RAB25: variants seen among roughly 807,000 people sequenced by gnomAD.
RAB25 encodes the protein ras-related protein Rab-25.
In RAB25, 23 loss-of-function variants were observed where a neutral mutation model predicts 25.2. The ratio of observed to expected loss-of-function variants is 0.91; its 90% CI spans 0.66 to 1.29. The LOEUF (loss-of-function observed/expected upper bound fraction) is 1.29, where lower values mean the gene tolerates loss of function less well. RAB25 is among the 50% of genes most tolerant of loss of function. The pLI, the probability that RAB25 is intolerant of heterozygous loss-of-function variation, is 0.00. For missense variants in RAB25, 244 were observed against 277.3 expected (o/e 0.88, Z 0.85); for synonymous variants, 102 against 111.5 (o/e 0.91, Z 0.54).
chr1:156,064,559 C>CAT (rs1647685775), intron 1 of RAB25, among the ~76,000 whole-genome samples: 1 of 152,060 alleles, frequency 6.6e-6, no homozygotes, highest in African/African-American at 2.4e-5. Flanking sequence ...AGACTACAGA[C>CAT]ACATGCTACC....
At chr1:156,068,185 G>A (rs1647801686) in intron 2 of RAB25, 85 bp from the exon 3 acceptor site, 1 of 1,215,868 alleles carries the variant, frequency 8.2e-7, no homozygotes, top group Non-Finnish European at 1.2e-6. Flanking sequence ...TCTGATCCCG[G>A]GTGTTCCAGC....
chr1:156,064,309 C>T (rs1647676540), intron 1 of RAB25, among the ~76,000 whole-genome samples: 1 of 152,152 alleles, frequency 6.6e-6, no homozygotes, highest in Non-Finnish European at 1.5e-5. Context: ...GATGCCATCA[C>T]AGTTCATTGC....
Position 156,070,251 on chromosome 1 carries a change from C to A in RAB25, c.606C>A (p.Gly202=), listed in dbSNP as rs767326403. The A allele has an allele frequency of 3.7e-6, 6 of 1,614,020 alleles. No homozygotes were observed. Among genetic ancestry groups the A allele is most frequent in the Non-Finnish European group, 5.1e-6 (6 of 1,179,968 alleles). The change falls in exon 5 of 5, where the codon GGC becomes GGA. Residue 202 remains glycine (G), a synonymous_variant. Coordinates refer to ENST00000361084, the MANE Select transcript of RAB25 (RefSeq NM_020387.4). ...GTGCCCAGGCTGGACAGGAGCCTGG[C>A]CCTGGGGAGAAGAGGGCCTGTTGCA... ...LGSAQAGQEP[G]PGEKRACCIS... is the part of the protein sequence containing the mutation.
At chr1:156,068,059 G>T (rs1383466297) in intron 2 of RAB25, among the ~76,000 whole-genome samples, 1 of 152,146 alleles carries the variant, frequency 6.6e-6, no homozygotes, top group African/African-American at 2.4e-5. Context: ...GGCCGAGGGA[G>T]GTGAAACTTT....
At position 156,061,170 on chromosome 1, in the gene RAB25, G is replaced by C. The variant is rs1037250427; in HGVS notation, c.-231G>C. 2.2e-6 allele frequency: 1 copy of C among 457,388 alleles called. No homozygotes were observed. The highest frequency in any genetic ancestry group is 3.9e-6 in the Non-Finnish European group (1 of 253,782). 28.3% of individuals were successfully genotyped at this position (457,388 alleles called of 1,614,324 possible). ...CCCGCTCTTCCTGTTCTCAGCTTCCGTCCTCTCTGCTTCCTTACAGCACCC... is the reference window on the plus strand; with the variant it reads ...CCCGCTCTTCCTGTTCTCAGCTTCCCTCCTCTCTGCTTCCTTACAGCACCC... On this transcript the variant is annotated 5_prime_UTR_variant, in exon 1 of 5. Transcript: ENST00000361084.
chr1:156,063,718 C>T (rs2102769150), intron 1 of RAB25, among the ~76,000 whole-genome samples: 1 of 152,344 alleles, frequency 6.6e-6, no homozygotes, highest in Middle Eastern at 3.4e-3. Flanking sequence ...CAGCTTGGGG[C>T]AAGTCCTTCC....
intron 1 of RAB25, among the ~76,000 whole-genome samples, chr1:156,062,946 C>T (rs1303693481): frequency 2.7e-5 from 4 of 149,918 alleles, no homozygotes; most frequent in African/African-American, 7.4e-5. Context: ...CCCAGCTACT[C>T]GGGAGGCTGA....
intron 4 of RAB25, 94 bp from the exon 5 acceptor site, chr1:156,070,066 T>C: frequency 6.3e-7 from 1 of 1,590,378 alleles, no homozygotes; most frequent in African/African-American, 1.3e-5. Flanking sequence ...CCCCCCATGC[T>C]CAGAAGGGGC....
chr1:156,070,065 C>T, intron 4 of RAB25, 95 bp from the exon 5 acceptor site: 1 of 1,593,216 alleles, frequency 6.3e-7, no homozygotes, highest in Non-Finnish European at 8.6e-7. Context: ...ACCCCCCATG[C>T]TCAGAAGGGG....
In RAB25 at chr1:156,070,058, C is replaced by T. The variant is rs1007322003; in HGVS notation, c.515-102C>T. 17 of 1,575,090 alleles carry T rather than the reference C, an allele frequency of 1.1e-5. No individual in the cohort carries two copies. In the Admixed American group the frequency reaches 2.2e-4, roughly 21 times the overall value. On this transcript the variant is annotated intron_variant, in intron 4 of 4. Coordinates refer to ENST00000361084, the MANE Select transcript of RAB25 (RefSeq NM_020387.4). Reference sequence around the variant, plus strand: ...AAAACCTCCTGCAAGTGTGGCCACCCCCCATGCTCAGAAGGGGCATGCAGT... The same window carrying T: ...AAAACCTCCTGCAAGTGTGGCCACCTCCCATGCTCAGAAGGGGCATGCAGT...
intron 1 of RAB25, 51 bp downstream of exon 1, chr1:156,061,494 A>T: frequency 6.3e-7 from 1 of 1,582,990 alleles, no homozygotes; most frequent in African/African-American, 1.3e-5. Context: ...CCAGAAAGAG[A>T]TTGAATAGAG....
In RAB25 at chr1:156,070,092, G is replaced by C. The variant is rs577477547; in HGVS notation, c.515-68G>C. On this transcript the variant is annotated intron_variant, in intron 4 of 4. Coordinates refer to ENST00000361084, the MANE Select transcript of RAB25 (RefSeq NM_020387.4). Reference sequence around the variant, plus strand: ...CAGAAGGGGCATGCAGTATGTATGGGGGGGTTGGGGAGAAGGGAGCATGGG... The same window carrying C: ...CAGAAGGGGCATGCAGTATGTATGGCGGGGTTGGGGAGAAGGGAGCATGGG... 1.8e-5 allele frequency: 29 copies of C among 1,612,366 alleles called. No individual in the cohort carries two copies. The African/African-American group carries it at 3.3e-4, about 19-fold the overall frequency.
At chr1:156,069,261 A>C (rs966849934) in intron 3 of RAB25, among the ~76,000 whole-genome samples, 8 of 151,938 alleles carry the variant, frequency 5.3e-5, no homozygotes, top group Admixed American at 6.6e-5. Flanking sequence ...GGCTCACTGC[A>C]ACCTCCACCT....
At position 156,069,904 on chromosome 1, in the gene RAB25, A is replaced by C. The variant is rs1647857924; in HGVS notation, c.514+153A>C. 2.0e-5 allele frequency: 17 copies of C among 851,002 alleles called. No individual in the cohort carries two copies. The South Asian group carries it at 2.3e-4, about 12-fold the overall frequency. 52.7% of individuals were successfully genotyped at this position (851,002 alleles called of 1,614,324 possible). ...TGCCTGTCCCCCTCAGTCCCTCCCC[A>C]GTGCCTCCCACTCAGTCTGGAGCTC... On this transcript the variant is annotated intron_variant, in intron 4 of 4. Transcript: ENST00000361084.
At chr1:156,063,704 C>G (rs953590813) in intron 1 of RAB25, among the ~76,000 whole-genome samples, 19 of 152,230 alleles carry the variant, frequency 1.2e-4, no homozygotes, top group African/African-American at 4.1e-4. Context: ...GCCTGCACTC[C>G]CTGCAGCTTG....
In RAB25 at chr1:156,068,389, T is replaced by C; in HGVS notation, c.359T>C (p.Val120Ala). Residue 120 changes from valine to alanine, a missense_variant, in exon 3 of 5, where the codon GTC becomes GCC. Coordinates refer to ENST00000361084, the MANE Select transcript of RAB25 (RefSeq NM_020387.4). The part of the protein sequence containing the change: ...LYDHAEATIV[V>A]MLVGNKSDLS... ...GACCATGCTGAAGCCACGATCGTCG[T>C]CATGCTCGTGGGTAACAAAAGTGAC... The C allele has an allele frequency of 1.2e-6, 2 of 1,614,060 alleles. No individual in the cohort carries two copies. The highest frequency in any genetic ancestry group is 1.7e-6 in the Non-Finnish European group (2 of 1,179,996).
chr1:156,069,924 G>T, intron 4 of RAB25, 173 bp downstream of exon 4: 1 of 837,996 alleles, frequency 1.2e-6, no homozygotes, highest in Non-Finnish European at 1.9e-6. Flanking sequence ...ACTCAGTCTG[G>T]AGCTCAGGGA....
At chr1:156,066,913 C>T (rs1647763018) in intron 2 of RAB25, among the ~76,000 whole-genome samples, 1 of 151,682 alleles carries the variant, frequency 6.6e-6, no homozygotes, top group African/African-American at 2.4e-5. Flanking sequence ...GCACTCCAGC[C>T]TGGGTGACAA....
intron 4 of RAB25, 158 bp from the exon 5 acceptor site, chr1:156,070,002 C>T (rs1024298259): frequency 8.7e-7 from 1 of 1,152,524 alleles, no homozygotes; most frequent in Non-Finnish European, 1.3e-6. Flanking sequence ...GTAGAAGGGA[C>T]CCCTATGTCC....
Sources: gnomAD v4.1 joint callset for allele counts (sites outside exome capture counted in the v4.1 genomes callset) on GRCh38, gnomAD v4.1.1 for gene constraint, MANE v1.5 for transcripts, NCBI Gene and HGNC (gene_info 2026-07-23, HGNC 2026-07-21) for gene names.